Variants in STT3B observed in about 807,000 individuals in gnomAD.
The protein encoded by STT3B is STT3 oligosaccharyltransferase complex catalytic subunit B.
A neutral mutation model predicts 96.8 loss-of-function variants in STT3B; 29 were observed. The ratio of observed to expected loss-of-function variants is 0.30; its 90% CI spans 0.22 to 0.41. STT3B has a LOEUF of 0.41. Among genes scored for constraint, STT3B ranks in the 10% least tolerant of loss-of-function variants. The probability of loss-of-function intolerance (pLI) is 1.00; values close to 1 mark genes in which losing one functional copy is unlikely to be tolerated. For missense variants in STT3B, 640 were observed against 1,022.3 expected, an observed-to-expected ratio of 0.63 and a Z score of 5.10; for synonymous variants, 367 against 360.0, an observed-to-expected ratio of 1.02 and a Z score of -0.22.
intron 5 of STT3B, among the ~76,000 whole-genome samples, chr3:31,606,736 C>T (rs6800989): frequency 0.47 from 71,829 of 152,110 alleles, 20,024 homozygotes; most frequent in Non-Finnish European, 0.62. Flanking sequence ...CATACAAAGT[C>T]CCCACTGGGG....
rs370871977 is a variant in STT3B, at chr3:31,625,128, T to G, written c.1899+43T>G. 5.2e-5 allele frequency: 81 copies of G among 1,552,818 alleles called. No individual in the cohort carries two copies. In the African/African-American group the frequency reaches 1.1e-3, roughly 21 times the overall value. On this transcript the variant is annotated intron_variant, in intron 12 of 15. Transcript: ENST00000295770. ...ACAAGGTTAAAAAATCTTTATTCAC[T>G]CCTTAGCAATCAGGCTTCACTTGTG...
intron 3 of STT3B, among the ~76,000 whole-genome samples, chr3:31,595,891 T>G (rs1219940715): frequency 6.6e-6 from 1 of 152,192 alleles, no homozygotes; most frequent in Non-Finnish European, 1.5e-5. Flanking sequence ...TTCTGGTAAT[T>G]TTATCCCAGC....
chr3:31,597,350 G>A (rs912438052), intron 4 of STT3B, among the ~76,000 whole-genome samples: 2 of 151,092 alleles, frequency 1.3e-5, no homozygotes, highest in African/African-American at 4.9e-5. Flanking sequence ...AGTAGAGACG[G>A]GGTTTCACCA....
chr3:31,569,178 A>T lies in STT3B; in HGVS notation c.315-7218A>T, dbSNP rs544774966. Reference sequence around the variant, plus strand: ...CATGTGCCACCATGCCTGGCTAATTAAAAAACTTTTTTTTCTTTCCCCAAG... The same window carrying T: ...CATGTGCCACCATGCCTGGCTAATTTAAAAACTTTTTTTTCTTTCCCCAAG... On this transcript the variant is annotated intron_variant, in intron 1 of 15. Coordinates refer to ENST00000295770, the MANE Select transcript of STT3B (RefSeq NM_178862.3). Among the ~76,000 whole-genome samples the T allele has an allele frequency of 1.6e-4, 24 of 151,954 alleles. No individual in the cohort carries two copies. The East Asian group carries it at 3.1e-3, about 20-fold the overall frequency.
chr3:31,579,713 G>T, intron 2 of STT3B, 96 bp from the exon 3 acceptor site: 1 of 976,266 alleles, frequency 1.0e-6, no homozygotes, highest in Non-Finnish European at 1.4e-6. Context: ...TCAAACTTAT[G>T]TAAGGTAAAC....
At chr3:31,546,648 A>G in intron 1 of STT3B, among the ~76,000 whole-genome samples, 1 of 152,186 alleles carries the variant, frequency 6.6e-6, no homozygotes. Flanking sequence ...AACACTTACC[A>G]CAATGTGTTT....
At chr3:31,540,657 A>G (rs1181803528) in intron 1 of STT3B, among the ~76,000 whole-genome samples, 2 of 152,144 alleles carry the variant, frequency 1.3e-5, no homozygotes. Context: ...CCGCCCCACA[A>G]TAGATAGATA....
At chr3:31,576,828 C>G (rs1036607195) in intron 2 of STT3B, among the ~76,000 whole-genome samples, 6 of 152,018 alleles carry the variant, frequency 3.9e-5, no homozygotes, top group African/African-American at 1.4e-4. Flanking sequence ...GTTGAAAAAG[C>G]AATTTGGAAG....
At chr3:31,559,146 G>GGGGGGGT (rs949401027) in intron 1 of STT3B, among the ~76,000 whole-genome samples, 10 of 116,530 alleles carry the variant, frequency 8.6e-5, no homozygotes, top group Non-Finnish European at 1.2e-4. Flanking sequence ...TGATTCTTGG[G>GGGGGGGT]GTGTGTGTGT....
intron 1 of STT3B, among the ~76,000 whole-genome samples, chr3:31,543,605 G>A (rs1236802594): frequency 6.6e-6 from 1 of 152,188 alleles, no homozygotes; most frequent in Non-Finnish European, 1.5e-5. Flanking sequence ...TGTGATGTCA[G>A]TAAGATCACA....
intron 1 of STT3B, among the ~76,000 whole-genome samples, chr3:31,573,873 G>T (rs1220499787): frequency 6.6e-6 from 1 of 152,070 alleles, no homozygotes; most frequent in Non-Finnish European, 1.5e-5. Context: ...TTAGGTAGAG[G>T]AGGCTACCTA....
At chr3:31,635,960 A>T in intron 15 of STT3B, 24 bp from the exon 16 acceptor site, 1 of 1,561,694 alleles carries the variant, frequency 6.4e-7, no homozygotes, top group Middle Eastern at 1.7e-4. Context: ...CTGCATTAAT[A>T]CTATGTGTTT....
intron 5 of STT3B, among the ~76,000 whole-genome samples, chr3:31,601,931 C>T (rs994069607): frequency 9.2e-5 from 14 of 152,098 alleles, no homozygotes; most frequent in Admixed American, 2.6e-4. Flanking sequence ...TAGCTAATAA[C>T]GGGGCTGAGG....
chr3:31,579,277 C>T (rs1698328017), intron 2 of STT3B, among the ~76,000 whole-genome samples: 1 of 151,756 alleles, frequency 6.6e-6, no homozygotes, highest in African/African-American at 2.4e-5. Flanking sequence ...TAGACTGTTC[C>T]CTCTTTTCCT....
chr3:31,535,379 T>G (rs917837253), intron 1 of STT3B, among the ~76,000 whole-genome samples: 1 of 151,988 alleles, frequency 6.6e-6, no homozygotes, highest in Non-Finnish European at 1.5e-5. Flanking sequence ...AGTTTTCTTT[T>G]TCCAGCTTCA....
intron 1 of STT3B, among the ~76,000 whole-genome samples, chr3:31,567,279 C>T (rs926651485): frequency 4.6e-5 from 7 of 152,176 alleles, no homozygotes; most frequent in Non-Finnish European, 7.3e-5. Context: ...TCTTTACCCT[C>T]CTTTACTACT....
chr3:31,567,973 C>A (rs1472841297), intron 1 of STT3B, among the ~76,000 whole-genome samples: 3 of 151,708 alleles, frequency 2.0e-5, no homozygotes, highest in Non-Finnish European at 2.9e-5. Context: ...ATTTTTGTAT[C>A]CGTTACCCCT....
chr3:31,618,954 C>T (rs758313790), intron 8 of STT3B, among the ~76,000 whole-genome samples: 3 of 151,616 alleles, frequency 2.0e-5, no homozygotes, highest in Non-Finnish European at 4.4e-5. Context: ...ATAACTTGTG[C>T]AGTTATATTA....
chr3:31,559,162 T>G (rs1404804423), intron 1 of STT3B, among the ~76,000 whole-genome samples: 2 of 147,922 alleles, frequency 1.4e-5, no homozygotes, highest in African/African-American at 4.9e-5. Context: ...TGTGTGTGTG[T>G]GTGTGTGTGT....
Sources: allele counts gnomAD v4.1 joint callset (sites outside exome capture counted in the v4.1 genomes callset), GRCh38; gene constraint gnomAD v4.1.1; transcripts MANE v1.5; gene names NCBI Gene and HGNC (gene_info 2026-07-23, HGNC 2026-07-21).